UNC80: variants seen among roughly 807,000 people sequenced by gnomAD.
UNC80 encodes the protein unc-80 subunit of NALCN channel complex.
A neutral mutation model predicts 384.6 loss-of-function variants in UNC80; 164 were observed. That is an observed-to-expected ratio of 0.43 (90% confidence interval 0.38 to 0.49). The LOEUF is 0.49. UNC80 is among the 20% of genes least tolerant of loss of function. UNC80 has a pLI of 0.00. For synonymous variants in UNC80, 1,486 were observed against 1,527.8 expected, an observed-to-expected ratio of 0.97 and a Z score of 0.64; for missense variants, 3,330 against 4,143.0, an observed-to-expected ratio of 0.80 and a Z score of 5.39.
At position 209,854,983 on chromosome 2, in the gene UNC80, A is replaced by G. The variant is rs994884965; in HGVS notation, c.3627+5360A>G. Among the ~76,000 whole-genome samples the G allele has an allele frequency of 4.5e-4, 69 of 152,364 alleles. 1 individual carries two copies. The highest frequency in any genetic ancestry group is 1.7e-3 in the African/African-American group (69 of 41,584). ...AGGACTATAAGTCATTCTACTGTAA[A>G]AACACATGCACACGTATGTTTATTG... On this transcript the variant is annotated intron_variant, in intron 22 of 64. Coordinates refer to ENST00000673920, the MANE Select transcript of UNC80 (RefSeq NM_001371986.1).
At position 209,933,849 on chromosome 2, in the gene UNC80, A is replaced by G. The variant is rs2091061590; in HGVS notation, c.6022A>G (p.Thr2008Ala). 1 of 1,550,632 alleles carries G rather than the reference A, an allele frequency of 6.4e-7. No homozygotes were observed. The highest frequency in any genetic ancestry group is 8.7e-7 in the Non-Finnish European group (1 of 1,146,610). The change falls in exon 39 of 65, where the codon ACC becomes GCC. Residue 2008 changes from threonine to alanine, a missense_variant. Around this residue, in one of 8 missense-constraint regions of UNC80, gnomAD observed 1,049 missense variants for 1,488.6 expected, o/e 0.70. Transcript: ENST00000673920. ...LVGLIMYFVR[T>A]PCEWGMDAIS... The stretch of plus-strand genomic sequence containing the variant: ...AGGATTAATCATGTACTTTGTGCGG[A>G]CCCCCTGCGAGTGGGGGATGGATGC...
chr2:209,875,473 G>A (rs2084695784), intron 23 of UNC80, among the ~76,000 whole-genome samples: 1 of 152,134 alleles, frequency 6.6e-6, no homozygotes, highest in Non-Finnish European at 1.5e-5. Context: ...TGAAAGCAGA[G>A]TCCATGCTTG....
intron 28 of UNC80, among the ~76,000 whole-genome samples, chr2:209,903,533 T>TAGTATATATGTAATATATATACTA (rs2087736233): frequency 1.8e-3 from 3 of 1,714 alleles, no homozygotes; most frequent in African/African-American, 6.6e-3. Flanking sequence ...ACTATATATA[T>TAGTATATATGTAATATATATACTA]TATATATAGT....
At position 209,798,235 on chromosome 2, in the gene UNC80, C is replaced by A. The variant is rs1371953204; in HGVS notation, c.938+4376C>A. On this transcript the variant is annotated intron_variant, in intron 7 of 64. Coordinates refer to ENST00000673920, the MANE Select transcript of UNC80 (RefSeq NM_001371986.1). ...GCATTTTAGTCATGAAGTCTTTGCCCATGCATGTGTCCTGAATGCTACTGC... is the reference window on the plus strand; with the variant it reads ...GCATTTTAGTCATGAAGTCTTTGCCAATGCATGTGTCCTGAATGCTACTGC... Among the ~76,000 whole-genome samples the A allele has an allele frequency of 4.6e-5, 7 of 152,298 alleles. No individual in the cohort carries two copies. In the South Asian group the frequency reaches 1.5e-3, roughly 32 times the overall value.
chr2:209,809,443 C>T (rs1280446905), intron 7 of UNC80: 1 of 1,474,986 alleles, frequency 6.8e-7, no homozygotes, highest in South Asian at 1.1e-5. Context: ...CTTCGCCGAC[C>T]GCTCCAACCT....
intron 7 of UNC80, chr2:209,794,828 C>T (rs1451705145): frequency 2.2e-6 from 1 of 454,140 alleles, no homozygotes; most frequent in Admixed American, 2.4e-5. Flanking sequence ...GATTCTGAGG[C>T]CTTCTCAGCC....
intron 25 of UNC80, 22 bp from the exon 26 acceptor site, chr2:209,888,073 G>A: frequency 4.5e-6 from 7 of 1,551,528 alleles, no homozygotes; most frequent in Non-Finnish European, 6.1e-6. Flanking sequence ...CAGCACTCAT[G>A]TGCTCCTCAC....
chr2:209,805,868 T>C (rs529667965), intron 7 of UNC80, among the ~76,000 whole-genome samples: 1 of 152,228 alleles, frequency 6.6e-6, no homozygotes, highest in East Asian at 1.9e-4. Flanking sequence ...GGGACCACAA[T>C]AGAATGTGAA....
intron 3 of UNC80, among the ~76,000 whole-genome samples, chr2:209,776,578 C>T (rs1398261364): frequency 6.6e-6 from 1 of 152,170 alleles, no homozygotes; most frequent in Admixed American, 6.5e-5. Flanking sequence ...GAGACTCCGT[C>T]TCAAAAACAA....
chr2:209,813,492 T>G (rs2079512327), intron 7 of UNC80, 88 bp from the exon 8 acceptor site: 238 of 1,346,178 alleles, frequency 1.8e-4, no homozygotes, highest in Non-Finnish European at 2.2e-4. Context: ...ACTAAACAAA[T>G]GAGAAAAGTA....
chr2:209,819,585 TCTTCA>T (rs1012684869), intron 12 of UNC80, among the ~76,000 whole-genome samples: 10 of 152,166 alleles, frequency 6.6e-5, no homozygotes, highest in African/African-American at 2.4e-4. Context: ...GCAAAAAAAT[TCTTCA>T]CTTATTTTAT....
At position 209,960,182 on chromosome 2, in the gene UNC80, T is replaced by G. The variant is rs140553610; in HGVS notation, c.7805+475T>G. 6.4e-4 allele frequency among the ~76,000 whole-genome samples: 97 copies of G among 152,340 alleles called. 2 individuals carry two copies. In the East Asian group the frequency reaches 0.016, roughly 26 times the overall value. ...AGTAAGCAGTTTTAACTCAGCCAAC[T>G]TGGCTTGGGCCTGAAATCCCCTTTA... On this transcript the variant is annotated intron_variant, in intron 51 of 64. Coordinates refer to ENST00000673920, the MANE Select transcript of UNC80 (RefSeq NM_001371986.1).
At chr2:209,892,555 T>C (rs1398874610) in intron 26 of UNC80, among the ~76,000 whole-genome samples, 1 of 152,208 alleles carries the variant, frequency 6.6e-6, no homozygotes, top group Admixed American at 6.5e-5. Flanking sequence ...ATTAAATTTC[T>C]TTCTGATTAC....
intron 35 of UNC80, among the ~76,000 whole-genome samples, chr2:209,925,374 C>G (rs1406121507): frequency 2.0e-5 from 3 of 152,174 alleles, no homozygotes; most frequent in Non-Finnish European, 4.4e-5. Context: ...AGCCGCGGAC[C>G]TTCACAGTGA....
At chr2:209,896,486 C>A in intron 28 of UNC80, 73 bp downstream of exon 28, 2 of 1,233,892 alleles carry the variant, frequency 1.6e-6, no homozygotes, top group Non-Finnish European at 2.3e-6. Flanking sequence ...GGAGGGAGGA[C>A]AAGAGATTAT....
intron 61 of UNC80, among the ~76,000 whole-genome samples, chr2:209,987,000 G>A (rs954700309): frequency 3.3e-5 from 5 of 152,106 alleles, no homozygotes; most frequent in Admixed American, 2.0e-4. Flanking sequence ...AGGTAATGAC[G>A]CTTAACATAC....
Position 209,904,747 on chromosome 2 carries a change from G to T in UNC80, c.4582-18G>T. 6.4e-7 allele frequency: 1 copy of T among 1,551,496 alleles called. No homozygotes were observed. The highest frequency in any genetic ancestry group is 1.2e-5 in the South Asian group (1 of 84,034). On this transcript the variant is annotated intron_variant, in intron 28 of 64. Transcript: ENST00000673920. ...ACCCTGGTTGCCTGGCTGAGTCTCA[G>T]GAATGTTTGTATTCCAGGTGATGAT... is the stretch of plus-strand genomic sequence containing the variant.
At chr2:209,992,546 G>A (rs1207793652) in intron 62 of UNC80, among the ~76,000 whole-genome samples, 1 of 152,140 alleles carries the variant, frequency 6.6e-6, no homozygotes, top group Admixed American at 6.5e-5. Flanking sequence ...TTAAAACGTG[G>A]TAAGTACTTA....
intron 51 of UNC80, among the ~76,000 whole-genome samples, chr2:209,965,221 G>C (rs748551545): frequency 6.6e-6 from 1 of 151,990 alleles, no homozygotes; most frequent in Admixed American, 6.6e-5. Flanking sequence ...CAGATTGCTT[G>C]AGTCCAGGAG....
Sources: gnomAD v4.1 joint callset for allele counts (sites outside exome capture counted in the v4.1 genomes callset) on GRCh38, gnomAD v4.1.1 for gene constraint, gnomAD v4.1.1 regional missense constraint, MANE v1.5 for transcripts, NCBI Gene and HGNC (gene_info 2026-07-23, HGNC 2026-07-21) for gene names.